CTR9: variants seen among roughly 807,000 people sequenced by gnomAD.
The protein encoded by CTR9 is CTR9 component of Paf1/RNA polymerase II complex, also known as RNA polymerase-associated protein CTR9 homolog.
CTR9 carries 41 observed loss-of-function variants against 152.1 expected under a neutral mutation model. The observed-to-expected ratio is 0.27, with a 90% CI of 0.21 to 0.35. The LOEUF (loss-of-function observed/expected upper bound fraction) is 0.35. Among genes scored for constraint, CTR9 ranks in the 10% least tolerant of loss-of-function variants. The pLI is 1.00. For synonymous variants in CTR9, 476 were observed against 496.2 expected (o/e 0.96, Z 0.54); for missense variants, 917 against 1,424.4 (o/e 0.64, Z 5.73).
chr11:10,779,080 A>C lies in CTR9; in HGVS notation c.3497A>C (p.Glu1166Ala), dbSNP rs1463198018. ...SNNEASDRGSEHGSDDSD is the reference protein window; with the variant it reads ...SNNEASDRGSAHGSDDSD Reference sequence around the variant, plus strand: ...AATGAGGCCTCAGATAGAGGCTCAGAACATGGGTCAGATGATAGTGACTAG... The same window carrying C: ...AATGAGGCCTCAGATAGAGGCTCAGCACATGGGTCAGATGATAGTGACTAG... Residue 1166 changes from glutamate (E) to alanine (A), a missense_variant, in exon 25 of 25, where the codon GAA (glutamate) becomes GCA (alanine). Glu to Ala is a moderately radical substitution (Grantham distance 107, BLOSUM62 -1). Transcript: ENST00000361367. 1 of 1,613,764 alleles carries C rather than the reference A, an allele frequency of 6.2e-7. No individual in the cohort carries two copies. The highest frequency in any genetic ancestry group is 1.3e-5 in the African/African-American group (1 of 74,936).
At chr11:10,776,735 G>A (rs1024800530) in intron 24 of CTR9, among the ~76,000 whole-genome samples, 1 of 152,108 alleles carries the variant, frequency 6.6e-6, no homozygotes, top group African/African-American at 2.4e-5. Context: ...CACTTTGAGA[G>A]GCCAACGTGG....
At position 10,775,319 on chromosome 11, in the gene CTR9, T is replaced by C. The variant is rs1406512127; in HGVS notation, c.2982+16T>C. On this transcript the variant is annotated intron_variant, in intron 23 of 24. Coordinates refer to ENST00000361367, the MANE Select transcript of CTR9 (RefSeq NM_014633.5). ...GAAAAAGGCTGTAAGTTTATAGTACTGTGTTTTTCTGTCCCCTAGTAGATG... is the reference window on the plus strand; with the variant it reads ...GAAAAAGGCTGTAAGTTTATAGTACCGTGTTTTTCTGTCCCCTAGTAGATG... The C allele has an allele frequency of 3.1e-6, 5 of 1,600,252 alleles. No individual in the cohort carries two copies. The East Asian group carries it at 1.1e-4, about 36-fold the overall frequency.
chr11:10,768,565 CCT>C, intron 16 of CTR9, 74 bp downstream of exon 16: 1 of 1,452,110 alleles, frequency 6.9e-7, no homozygotes, highest in South Asian at 1.4e-5. Context: ...CCATTCTGGC[CCT>C]GTCATGGAGC....
rs1255570622 is a variant in CTR9, at chr11:10,768,497, AGC to A, written c.2109+7_2109+8del. On this transcript the variant is annotated splice_region_variant and intron_variant, in intron 16 of 24. Transcript: ENST00000361367. ...ACATCAGCGCCGTTCAGATGGTAAT[AGC>A]TTCTCTTTCAAGATATTTTTATATC... The A allele has an allele frequency of 7.6e-6, 12 of 1,583,014 alleles. No individual in the cohort carries two copies. In the Admixed American group the frequency reaches 2.3e-4, roughly 31 times the overall value.
At chr11:10,756,403 C>G (rs1862884867) in intron 4 of CTR9, among the ~76,000 whole-genome samples, 1 of 152,162 alleles carries the variant, frequency 6.6e-6, no homozygotes, top group African/African-American at 2.4e-5. Context: ...TCTTCCTCCT[C>G]CCACCCTCCA....
chr11:10,753,808 G>A lies in CTR9; in HGVS notation c.144+1038G>A, dbSNP rs887482686. 4.0e-4 allele frequency among the ~76,000 whole-genome samples: 61 copies of A among 151,860 alleles called. 1 individual carries two copies. The highest frequency in any genetic ancestry group is 2.6e-4 in the Admixed American group (4 of 15,244). On this transcript the variant is annotated intron_variant, in intron 2 of 24. Coordinates refer to ENST00000361367, the MANE Select transcript of CTR9 (RefSeq NM_014633.5). ...TAGAATAAATTAATGACACATTGTG[G>A]GATATAGATTTTTACAGGGAAAAGA...
chr11:10,765,613 G>A (rs142800463), intron 12 of CTR9, among the ~76,000 whole-genome samples: 4 of 152,050 alleles, frequency 2.6e-5, no homozygotes, highest in Non-Finnish European at 5.9e-5. Flanking sequence ...AGGGGCCCAC[G>A]ACTACGTCCG....
At chr11:10,768,975 AGGCTGAGGC>A (rs1278054009) in intron 16 of CTR9, among the ~76,000 whole-genome samples, 3 of 152,084 alleles carry the variant, frequency 2.0e-5, no homozygotes, top group South Asian at 2.1e-4. Context: ...GCACTTTGGG[AGGCTGAGGC>A]GGCTGAGGCG....
In CTR9 at chr11:10,774,064, A is replaced by G; in HGVS notation, c.2780A>G (p.Asp927Gly). The change falls in exon 22 of 25, where the codon GAT becomes GGT. Residue 927 changes from aspartate to glycine, a missense_variant. Coordinates refer to ENST00000361367, the MANE Select transcript of CTR9 (RefSeq NM_014633.5). ...FDEFVNDDTDDDLPISKKKKR... is the reference protein window; with the variant it reads ...FDEFVNDDTDGDLPISKKKKR... ...GAATTTGTCAATGATGACACTGATG[A>G]TGACCTACCTATATCCAAAAAGAAG... 6.2e-7 allele frequency: 1 copy of G among 1,613,524 alleles called. No homozygotes were observed. Among genetic ancestry groups the G allele is most frequent in the Non-Finnish European group, 8.5e-7 (1 of 1,179,538 alleles).
intron 1 of CTR9, among the ~76,000 whole-genome samples, chr11:10,751,871 G>A (rs1451026998): frequency 6.6e-6 from 1 of 152,088 alleles, no homozygotes; most frequent in Non-Finnish European, 1.5e-5. Flanking sequence ...GGAATATATA[G>A]GAGGTCGCCT....
At chr11:10,771,196 A>G (rs1013826891) in intron 18 of CTR9, among the ~76,000 whole-genome samples, 2 of 152,144 alleles carry the variant, frequency 1.3e-5, no homozygotes, top group Non-Finnish European at 2.9e-5. Flanking sequence ...CCAACTTAAT[A>G]TTTTTATTCT....
In CTR9 at chr11:10,770,493, C is replaced by T; in HGVS notation, c.2233C>T (p.His745Tyr). Reference protein sequence around the residue: ...ECKQTLLKARHVAPSDTVLMF... With the variant: ...ECKQTLLKARYVAPSDTVLMF... ...ATTTATTTTTTATTCACAGGCTAGA[C>T]ATGTGGCACCCAGTGATACAGTTCT... is the stretch of plus-strand genomic sequence containing the variant. Residue 745 changes from histidine (H) to tyrosine (Y), a missense_variant, in exon 18 of 25, where the codon CAT becomes TAT. Physicochemically the swap from His to Tyr is moderately conservative, Grantham distance 83 (BLOSUM62 2). Coordinates refer to ENST00000361367, the MANE Select transcript of CTR9 (RefSeq NM_014633.5). The T allele has an allele frequency of 6.2e-7, 1 of 1,612,062 alleles. No homozygotes were observed. Among genetic ancestry groups the T allele is most frequent in the Non-Finnish European group, 8.5e-7 (1 of 1,179,378 alleles).
chr11:10,778,846 ACCAG>A lies in CTR9; in HGVS notation c.3267_3270del (p.Gln1089HisfsTer100), dbSNP rs766085681. 1 of 1,614,222 alleles carries A rather than the reference ACCAG, an allele frequency of 6.2e-7. No individual in the cohort carries two copies. The highest frequency in any genetic ancestry group is 8.5e-7 in the Non-Finnish European group (1 of 1,180,046). ...CGGTCAGATCAGGACTCAGACAGTG[ACCAG>A]CCATCCAGAAAGAGAAGGCCCTCCG... On this transcript the variant is annotated frameshift_variant, in exon 25 of 25. Transcript: ENST00000361367. LOFTEE classifies it high-confidence loss of function.
Position 10,762,293 on chromosome 11 carries a change from A to G in CTR9, c.849+239A>G, listed in dbSNP as rs75327766. On this transcript the variant is annotated intron_variant, in intron 7 of 24. Transcript: ENST00000361367. ...ACACTGTGGTAGTGATGTGAAGATT[A>G]GTAAAACATGGTGTCTGTACTCAAG... is the stretch of plus-strand genomic sequence containing the variant. Among the ~76,000 whole-genome samples, 1,341 of 152,300 alleles carry G rather than the reference A, an allele frequency of 8.8e-3. 24 individuals carry two copies. The highest frequency in any genetic ancestry group is 0.03 in the African/African-American group (1,258 of 41,562).
intron 3 of CTR9, 82 bp from the exon 4 acceptor site, chr11:10,755,595 CT>C (rs1862872367): frequency 1.2e-5 from 10 of 809,230 alleles, no homozygotes; most frequent in Non-Finnish European, 1.9e-5. Context: ...TGTGCTCCAC[CT>C]CCTTCCTATT....
chr11:10,772,185 G>A (rs952243314), intron 19 of CTR9, among the ~76,000 whole-genome samples: 17 of 152,076 alleles, frequency 1.1e-4, no homozygotes, highest in Admixed American at 4.6e-4. Flanking sequence ...GAGAAACTCC[G>A]TCTCTACTAA....
Position 10,754,984 on chromosome 11 carries a change from A to G in CTR9, c.171A>G (p.Thr57=), listed in dbSNP as rs1352971332. The G allele has an allele frequency of 6.2e-7, 1 of 1,613,898 alleles. No individual in the cohort carries two copies. The highest frequency in any genetic ancestry group is 2.2e-5 in the East Asian group (1 of 44,872). Residue 57 remains threonine, a synonymous_variant, in exon 3 of 25, where the codon ACA becomes ACG. Transcript: ENST00000361367. ...TGGAATACTACAAGCAAGGAAAAAC[A>G]GAAGAGTTTGTAAAATTGTTGGAAG... ...LALEYYKQGK[T]EEFVKLLEAA...
At chr11:10,772,747 T>C in intron 20 of CTR9, 92 bp downstream of exon 20, 1 of 1,308,472 alleles carries the variant, frequency 7.6e-7, no homozygotes. Flanking sequence ...CTGCCAGGCG[T>C]GGTGGCTGAC....
intron 16 of CTR9, among the ~76,000 whole-genome samples, chr11:10,769,252 G>A (rs1475975585): frequency 6.6e-6 from 1 of 152,068 alleles, no homozygotes; most frequent in Admixed American, 6.6e-5. Flanking sequence ...AAACAAAACA[G>A]CGATAAGATT....
Sources: gnomAD v4.1 joint callset for allele counts (sites outside exome capture counted in the v4.1 genomes callset) on GRCh38, gnomAD v4.1.1 for gene constraint, MANE v1.5 for transcripts, NCBI Gene and HGNC (gene_info 2026-07-23, HGNC 2026-07-21) for gene names.